Variants in KCNQ5 observed in about 807,000 individuals in gnomAD.
KCNQ5 encodes the protein potassium voltage-gated channel subfamily KQT member 5.
In KCNQ5, 30 loss-of-function variants were observed where a neutral mutation model predicts 98.2. The ratio of observed to expected loss-of-function variants is 0.31; its 90% CI spans 0.23 to 0.41. The LOEUF is 0.41. KCNQ5 is among the 10% of genes least tolerant of loss of function. The pLI is 1.00. For synonymous variants in KCNQ5, 458 were observed against 449.4 expected (o/e 1.02, Z -0.24); for missense variants, 835 against 1,182.5 (o/e 0.71, Z 4.31).
chr6:72,965,744 T>C (rs961685315), intron 1 of KCNQ5, among the ~76,000 whole-genome samples: 1 of 152,214 alleles, frequency 6.6e-6, no homozygotes, highest in African/African-American at 2.4e-5. Flanking sequence ...CTTATTAGCA[T>C]TTAAATTTTT....
intron 1 of KCNQ5, among the ~76,000 whole-genome samples, chr6:72,941,355 T>C (rs1187755128): frequency 2.5e-5 from 1 of 40,692 alleles, no homozygotes; most frequent in East Asian, 1.4e-3. Flanking sequence ...CTTCCTTCCT[T>C]CTTTTCTTCC....
At position 73,188,970 on chromosome 6, in the gene KCNQ5, G is replaced by A. The variant is rs768331093; in HGVS notation, c.1578-1603G>A. On this transcript the variant is annotated intron_variant, in intron 11 of 13. Transcript: ENST00000370398. ...TGCACTCCAGCCTGGGTGAAAGGGCGAGACTCTGTCTCAAAAAAAAAAAAA... is the reference window on the plus strand; with the variant it reads ...TGCACTCCAGCCTGGGTGAAAGGGCAAGACTCTGTCTCAAAAAAAAAAAAA... Among the ~76,000 whole-genome samples the A allele has an allele frequency of 4.6e-5, 6 of 131,684 alleles. 2 individuals carry two copies. Among genetic ancestry groups the A allele is most frequent in the East Asian group, 4.3e-4 (2 of 4,616 alleles). The allele number at this position is 131,684 out of a possible 152,430, so 86.4% of individuals were successfully genotyped here.
rs57802170 is a variant in KCNQ5, at chr6:72,664,859, T to G, written c.398+42272T>G. Among the ~76,000 whole-genome samples, 759 of 152,266 alleles carry G rather than the reference T, an allele frequency of 5.0e-3. 5 individuals are homozygous for G. Among genetic ancestry groups the G allele is most frequent in the African/African-American group, 0.017 (717 of 41,566 alleles). ...AAATACAAAAGAAATAGGACATTAT[T>G]CAAAACTGTTACTGTCATTTTTACC... is the stretch of plus-strand genomic sequence containing the variant. On this transcript the variant is annotated intron_variant, in intron 1 of 13. Transcript: ENST00000370398.
At chr6:72,664,912 A>G (rs1766719419) in intron 1 of KCNQ5, among the ~76,000 whole-genome samples, 1 of 152,222 alleles carries the variant, frequency 6.6e-6, no homozygotes, top group East Asian at 1.9e-4. Flanking sequence ...TTAATCTCAT[A>G]AATCTCCCCT....
At chr6:72,915,062 T>G (rs2150210014) in intron 1 of KCNQ5, among the ~76,000 whole-genome samples, 1 of 152,252 alleles carries the variant, frequency 6.6e-6, no homozygotes, top group South Asian at 2.1e-4. Context: ...AACATAGAAC[T>G]GTTAATTTAA....
At chr6:72,811,667 C>T (rs1210301264) in intron 1 of KCNQ5, among the ~76,000 whole-genome samples, 1 of 152,062 alleles carries the variant, frequency 6.6e-6, no homozygotes, top group Non-Finnish European at 1.5e-5. Context: ...TTCTTTCTGC[C>T]CCAGTAGATT....
At chr6:73,131,851 C>T (rs749514316) in intron 9 of KCNQ5, among the ~76,000 whole-genome samples, 4 of 152,192 alleles carry the variant, frequency 2.6e-5, no homozygotes, top group African/African-American at 4.8e-5. Context: ...ACCTCATCAC[C>T]AAACTGCCCC....
intron 1 of KCNQ5, among the ~76,000 whole-genome samples, chr6:72,980,658 C>T (rs1436887306): frequency 6.6e-6 from 1 of 152,090 alleles, no homozygotes; most frequent in Admixed American, 6.6e-5. Flanking sequence ...AATTGAATAC[C>T]TTTTATTGCT....
intron 5 of KCNQ5, among the ~76,000 whole-genome samples, chr6:73,094,548 T>C (rs1582344166): frequency 6.6e-6 from 1 of 152,178 alleles, no homozygotes; most frequent in East Asian, 1.9e-4. Context: ...AGGTTCTGTT[T>C]TGATGTGTTT....
chr6:73,059,472 A>T (rs2150373987), intron 3 of KCNQ5, among the ~76,000 whole-genome samples: 1 of 152,296 alleles, frequency 6.6e-6, no homozygotes, highest in South Asian at 2.1e-4. Context: ...TATGCTTTTT[A>T]CCTGCGTGAT....
chr6:72,629,114 AC>A (rs1224156198), intron 1 of KCNQ5, among the ~76,000 whole-genome samples: 1 of 152,122 alleles, frequency 6.6e-6, no homozygotes, highest in Non-Finnish European at 1.5e-5. Flanking sequence ...ATTTACTGAC[AC>A]CCCAGATCTC....
intron 3 of KCNQ5, among the ~76,000 whole-genome samples, chr6:73,066,782 T>C (rs188419115): frequency 8.1e-4 from 124 of 152,288 alleles, no homozygotes; most frequent in African/African-American, 2.9e-3. Flanking sequence ...ATGTTCTTTA[T>C]GCTTCCATGC....
chr6:73,152,142 G>A (rs1454979077), intron 10 of KCNQ5, among the ~76,000 whole-genome samples: 3 of 151,598 alleles, frequency 2.0e-5, no homozygotes, highest in African/African-American at 7.3e-5. Flanking sequence ...TGTCTGGAAG[G>A]CAAAATTTTT....
intron 1 of KCNQ5, among the ~76,000 whole-genome samples, chr6:72,819,829 C>T (rs1775672152): frequency 6.6e-6 from 1 of 152,176 alleles, no homozygotes; most frequent in Admixed American, 6.5e-5. Context: ...CCTAAGCTTC[C>T]TGTTTGTCTG....
At chr6:72,835,200 G>A (rs542076015) in intron 1 of KCNQ5, among the ~76,000 whole-genome samples, 9 of 151,966 alleles carry the variant, frequency 5.9e-5, no homozygotes, top group Non-Finnish European at 1.2e-4. Context: ...GCTATTGCTC[G>A]TATATTAAAG....
intron 5 of KCNQ5, among the ~76,000 whole-genome samples, chr6:73,099,999 T>C (rs1774693164): frequency 6.6e-6 from 1 of 152,224 alleles, no homozygotes; most frequent in African/African-American, 2.4e-5. Context: ...GTATCTTCTC[T>C]GACCACAATT....
intron 1 of KCNQ5, among the ~76,000 whole-genome samples, chr6:72,995,372 A>AAC (rs1199028701): frequency 2.6e-5 from 4 of 151,528 alleles, no homozygotes; most frequent in Admixed American, 2.0e-4. Context: ...CTGTCTCAAA[A>AAC]AAAAAAAAAA....
chr6:72,721,929 G>A (rs1474126118), intron 1 of KCNQ5, among the ~76,000 whole-genome samples: 1 of 152,074 alleles, frequency 6.6e-6, no homozygotes, highest in Non-Finnish European at 1.5e-5. Context: ...TTTGGCAAAG[G>A]AACTTTGCAG....
chr6:72,681,639 G>C (rs1767717593), intron 1 of KCNQ5, among the ~76,000 whole-genome samples: 2 of 152,130 alleles, frequency 1.3e-5, no homozygotes. Flanking sequence ...CTGCATGCAT[G>C]CCCTAAGTAA....
Sources: gnomAD v4.1 joint callset for allele counts (sites outside exome capture counted in the v4.1 genomes callset) on GRCh38, gnomAD v4.1.1 for gene constraint, MANE v1.5 for transcripts, NCBI Gene and HGNC (gene_info 2026-07-23, HGNC 2026-07-21) for gene names.